Variants in FAM20C observed in about 807,000 individuals in gnomAD.
The protein encoded by FAM20C is FAM20C golgi associated secretory pathway kinase.
A neutral mutation model predicts 51.5 loss-of-function variants in FAM20C; 40 were observed. That is an observed-to-expected ratio of 0.78 (90% CI 0.60 to 1.01). The LOEUF (loss-of-function observed/expected upper bound fraction) is 1.01. FAM20C is among the 50% of genes least tolerant of loss of function. FAM20C has a pLI of 0.00. For missense variants in FAM20C, 861 were observed against 844.7 expected, an observed-to-expected ratio of 1.02 and a Z score of -0.24; for synonymous variants, 406 against 380.6, an observed-to-expected ratio of 1.07 and a Z score of -0.78.
intron 3 of FAM20C, among the ~76,000 whole-genome samples, chr7:244,143 C>T (rs1008993226): frequency 6.6e-5 from 10 of 151,962 alleles, no homozygotes; most frequent in African/African-American, 2.4e-4. Context: ...CTATGTTGCC[C>T]AGGCTGGTCT....
intron 3 of FAM20C, among the ~76,000 whole-genome samples, chr7:232,801 G>A (rs1039402597): frequency 5.3e-5 from 8 of 152,320 alleles, no homozygotes; most frequent in South Asian, 2.1e-4. Flanking sequence ...GTTGCAGGAC[G>A]GGGCACCCGG....
At chr7:247,853 G>A (rs1050607899) in intron 4 of FAM20C, among the ~76,000 whole-genome samples, 7 of 152,182 alleles carry the variant, frequency 4.6e-5, no homozygotes, top group African/African-American at 1.4e-4. Context: ...GACGGCCCAC[G>A]TCCCTCCACA....
intron 2 of FAM20C, 104 bp downstream of exon 2, chr7:195,836 C>A: frequency 8.5e-7 from 1 of 1,171,182 alleles, no homozygotes; most frequent in Non-Finnish European, 1.1e-6. Flanking sequence ...GGCCGTTGCT[C>A]ATTACGGCAG....
At chr7:209,204 C>G (rs1363285140) in intron 3 of FAM20C, among the ~76,000 whole-genome samples, 1 of 152,190 alleles carries the variant, frequency 6.6e-6, no homozygotes, top group Non-Finnish European at 1.5e-5. Flanking sequence ...GACGGAAAAC[C>G]TACTGCTGGT....
intron 2 of FAM20C, among the ~76,000 whole-genome samples, chr7:203,177 T>C (rs1019007518): frequency 2.0e-5 from 3 of 152,064 alleles, no homozygotes; most frequent in Non-Finnish European, 4.4e-5. Flanking sequence ...TCTCAGTGGG[T>C]CCCTCCCCAG....
At chr7:194,111 G>A (rs1316616372) in intron 1 of FAM20C, 3 of 361,470 alleles carry the variant, frequency 8.3e-6, no homozygotes, top group Admixed American at 8.8e-5. Context: ...ATGGGGTCAG[G>A]CAATGAATGA....
chr7:247,687 C>T (rs538002527), intron 4 of FAM20C, among the ~76,000 whole-genome samples: 7 of 145,610 alleles, frequency 4.8e-5, no homozygotes, highest in South Asian at 2.1e-4. Flanking sequence ...AAAAGAAAGA[C>T]GGGGAGGGTC....
intron 2 of FAM20C, among the ~76,000 whole-genome samples, chr7:198,208 G>A (rs997482887): frequency 2.0e-5 from 3 of 152,218 alleles, no homozygotes; most frequent in South Asian, 2.1e-4. Flanking sequence ...CTGCAAGGAC[G>A]ATGGGCAGAC....
At chr7:218,161 C>T (rs1245693600) in intron 3 of FAM20C, among the ~76,000 whole-genome samples, 2 of 152,198 alleles carry the variant, frequency 1.3e-5, no homozygotes, top group East Asian at 3.9e-4. Context: ...AGGCAGGCCA[C>T]AGCGTTCACC....
intron 3 of FAM20C, among the ~76,000 whole-genome samples, chr7:216,976 C>T (rs927871743): frequency 4.6e-5 from 7 of 152,212 alleles, no homozygotes; most frequent in South Asian, 2.1e-4. Context: ...CCACCCTGAA[C>T]GGCCTCATCC....
Position 258,014 on chromosome 7 carries a change from GGGCT to G in FAM20C, c.1446-629_1446-626del, listed in dbSNP as rs1562401312. On this transcript the variant is annotated intron_variant, in intron 8 of 9. Coordinates refer to ENST00000313766, the MANE Select transcript of FAM20C (RefSeq NM_020223.4). ...CCCACTGCCTGGGGTGCTGGAGATG[GGGCT>G]GGGTGGACCCACTGCCCGGGTGCTG... Among the ~76,000 whole-genome samples, 14 of 65,464 alleles carry G rather than the reference GGGCT, an allele frequency of 2.1e-4. 2 individuals are homozygous for G. The highest frequency in any genetic ancestry group is 5.9e-4 in the African/African-American group (9 of 15,210). 42.9% of individuals were successfully genotyped at this position (65,464 alleles called of 152,430 possible). A position where few individuals can be genotyped will look rare whatever the true frequency, so the allele number is the denominator to read the frequency against.
At chr7:194,304 C>A (rs1583271255) in intron 1 of FAM20C, 2 of 153,918 alleles carry the variant, frequency 1.3e-5, no homozygotes, top group South Asian at 4.1e-4. Flanking sequence ...GCGGCCCAGC[C>A]AGCAAGGGCG....
intron 2 of FAM20C, among the ~76,000 whole-genome samples, chr7:207,050 GT>G (rs1786444051): frequency 2.3e-5 from 1 of 43,242 alleles, no homozygotes. Context: ...GTCGGTCACT[GT>G]CCCCTCGGCC....
intron 1 of FAM20C, 124 bp from the exon 2 acceptor site, chr7:195,430 T>G: frequency 1.0e-6 from 1 of 958,416 alleles, no homozygotes; most frequent in Non-Finnish European, 1.4e-6. Flanking sequence ...CAGAGGCGCC[T>G]TCAACACATC....
At chr7:228,981 C>T (rs759021755) in intron 3 of FAM20C, 6 of 377,648 alleles carry the variant, frequency 1.6e-5, no homozygotes, top group African/African-American at 8.4e-5. Context: ...GGGTGAGTAG[C>T]GACACCAGGA....
At chr7:208,057 A>G (rs1350202071) in intron 2 of FAM20C, among the ~76,000 whole-genome samples, 2 of 152,134 alleles carry the variant, frequency 1.3e-5, no homozygotes, top group Admixed American at 6.5e-5. Flanking sequence ...GGTCTCCCCA[A>G]AGTCACCCTG....
At chr7:223,447 C>T (rs909595001) in intron 3 of FAM20C, among the ~76,000 whole-genome samples, 35 of 152,354 alleles carry the variant, frequency 2.3e-4, no homozygotes, top group African/African-American at 7.9e-4. Context: ...GTCTGTCTCG[C>T]TCTCCGGGGC....
chr7:207,003 T>G lies in FAM20C; in HGVS notation c.785-1895T>G, dbSNP rs370115863. Among the ~76,000 whole-genome samples the G allele has an allele frequency of 1.9e-3, 67 of 36,158 alleles. 4 individuals are homozygous for G. The East Asian group carries it at 0.036, about 19-fold the overall frequency. 23.7% of individuals were successfully genotyped at this position (36,158 alleles called of 152,430 possible). A position where few individuals can be genotyped will look rare whatever the true frequency, so the allele number is the denominator to read the frequency against. ...GTATCCACTGTGAGGCGTCGGTCAC[T>G]GTCCCCTCGGCCCCGCACACGTATC... On this transcript the variant is annotated intron_variant, in intron 2 of 9. Transcript: ENST00000313766.
chr7:240,858 A>C (rs1026806379), intron 3 of FAM20C, among the ~76,000 whole-genome samples: 119 of 152,288 alleles, frequency 7.8e-4, no homozygotes, highest in African/African-American at 2.8e-3. Context: ...GAGACAGACC[A>C]TGGCAGGGCT....
Sources: gnomAD v4.1 joint callset for allele counts (sites outside exome capture counted in the v4.1 genomes callset) on GRCh38, gnomAD v4.1.1 for gene constraint, MANE v1.5 for transcripts, NCBI Gene and HGNC (gene_info 2026-07-23, HGNC 2026-07-21) for gene names.